The following ARSH variants were observed in gnomAD, a reference collection of about 807,000 sequenced individuals.
ARSH encodes the protein arylsulfatase family member H.
A neutral mutation model predicts 28.7 loss-of-function variants in ARSH; 32 were observed. The observed-to-expected ratio is 1.11, with a 90% CI of 0.84 to 1.50. ARSH has a LOEUF of 1.50. ARSH is among the 40% of genes most tolerant of loss of function. ARSH has a pLI of 0.00. For missense variants in ARSH, 440 were observed against 452.4 expected (o/e 0.97, Z 0.25); for synonymous variants, 176 against 177.3 (o/e 0.99, Z 0.06).
chrX:3,026,130 A>G (rs2089898189), intron 6 of ARSH, among the ~76,000 whole-genome samples: 1 of 110,856 alleles, frequency 9.0e-6, no homozygotes. Flanking sequence ...TTGTATGTTA[A>G]AAGCACATAG....
chrX:3,024,870 A>C (rs2089894583), intron 6 of ARSH, among the ~76,000 whole-genome samples: 1 of 110,830 alleles, frequency 9.0e-6, no homozygotes, highest in South Asian at 3.8e-4. Context: ...ATAATTTAAA[A>C]AAGAATTCTG....
chrX:3,032,770 A>G (rs1353799286), intron 8 of ARSH, among the ~76,000 whole-genome samples: 1 of 112,229 alleles, frequency 8.9e-6, no homozygotes, highest in Non-Finnish European at 1.9e-5. Flanking sequence ...GAATTACCCT[A>G]TTCCCATCTG....
rs971732219 is a variant in ARSH, at chrX:3,029,345, C to T, written c.1298C>T (p.Thr433Met). 1.7e-5 allele frequency: 20 copies of T among 1,208,064 alleles called. No individual in the cohort carries two copies. The highest frequency in any genetic ancestry group is 1.9e-5 in the Non-Finnish European group (17 of 894,477). Reference protein sequence around the residue: ...LFHYCGVYLHTVRWHQKDCAT... With the variant: ...LFHYCGVYLHMVRWHQKDCAT... The stretch of plus-strand genomic sequence containing the variant: ...CACTACTGTGGGGTCTATCTGCACA[C>T]GGTCAGGTGGCATCAGAAGGACTGT... Residue 433 changes from threonine to methionine, a missense_variant, in exon 8 of 9, where the codon ACG becomes ATG. Transcript: ENST00000381130.
intron 5 of ARSH, among the ~76,000 whole-genome samples, chrX:3,020,725 A>G (rs1432067990): frequency 9.0e-6 from 1 of 111,657 alleles, no homozygotes; most frequent in Non-Finnish European, 1.9e-5. Context: ...AAAGGGAACT[A>G]ACCCTGACAT....
In ARSH at chrX:3,015,257, T is replaced by C; in HGVS notation, c.628T>C (p.Ser210Pro). The C allele has an allele frequency of 1.7e-6, 2 of 1,211,393 alleles. No individual in the cohort carries two copies. Among genetic ancestry groups the C allele is most frequent in the Non-Finnish European group, 2.2e-6 (2 of 895,390 alleles). The change falls in exon 4 of 9, where the codon TCC (serine) becomes CCC (proline). Residue 210 changes from serine (S) to proline (P), a missense_variant. By Grantham distance (74) the Ser-to-Pro change is moderately conservative. Coordinates refer to ENST00000381130, the MANE Select transcript of ARSH (RefSeq NM_001011719.2). ...FALLAFLFFT[S>P]WYSSYGFTRR... ...TCTCCTCGCCTTTCTGTTTTTCACTTCCTGGTACTCTAGTTATGGATTTAC... is the reference window on the plus strand; with the variant it reads ...TCTCCTCGCCTTTCTGTTTTTCACTCCCTGGTACTCTAGTTATGGATTTAC...
chrX:3,024,068 T>G lies in ARSH; in HGVS notation c.949T>G (p.Leu317Val), dbSNP rs5939407. 1 of 1,209,176 alleles carries G rather than the reference T, an allele frequency of 8.3e-7. No individual in the cohort carries two copies. The highest frequency in any genetic ancestry group is 1.1e-6 in the Non-Finnish European group (1 of 894,394). Reference protein sequence around the residue: ...LDQERLANHTLVYFTSDNGGH... With the variant: ...LDQERLANHTVVYFTSDNGGH... ...CCAGGAGCGCCTGGCCAACCACACC[T>G]TGGTGTACTTCACCTCTGACAACGG... is the stretch of plus-strand genomic sequence containing the variant. The change falls in exon 6 of 9, where the codon TTG (leucine) becomes GTG (valine). Residue 317 changes from leucine to valine, a missense_variant. Physicochemically the swap from Leu to Val is conservative, Grantham distance 32. Transcript: ENST00000381130.
At chrX:3,025,284 A>C (rs982408861) in intron 6 of ARSH, among the ~76,000 whole-genome samples, 5 of 106,477 alleles carry the variant, frequency 4.7e-5, no homozygotes, top group African/African-American at 1.7e-4. Context: ...TTCACTATGT[A>C]TATATAGTCA....
chrX:3,029,098 AAG>A, intron 7 of ARSH, 147 bp from the exon 8 acceptor site: 1 of 676,407 alleles, frequency 1.5e-6, no homozygotes, highest in Non-Finnish European at 2.1e-6. Flanking sequence ...AAAAAGAAAA[AAG>A]AAATTCTTCC....
intron 1 of ARSH, among the ~76,000 whole-genome samples, chrX:3,008,501 CTTTCTT>C (rs1309791913): frequency 4.3e-5 from 4 of 93,478 alleles, no homozygotes; most frequent in African/African-American, 1.6e-4. Flanking sequence ...TTCTTTCTTT[CTTTCTT>C]TCTTTCTTCC....
rs763774263 is a variant in ARSH, at chrX:3,013,160, A to G, written c.328A>G (p.Thr110Ala). 4 of 1,206,329 alleles carry G rather than the reference A, an allele frequency of 3.3e-6. No individual in the cohort carries two copies. The African/African-American group carries it at 5.3e-5, about 16-fold the overall frequency. The change falls in exon 3 of 9, where the codon ACG becomes GCG. Residue 110 changes from threonine (T) to alanine (A), a missense_variant. Physicochemically the swap from Thr to Ala is moderately conservative, Grantham distance 58. Coordinates refer to ENST00000381130, the MANE Select transcript of ARSH (RefSeq NM_001011719.2). ...AKLLQHRGYR[T>A]GLIGKWHLGL... ...GCTGCTGCAGCACCGTGGCTACCGC[A>G]CGGGACTCATAGGTATGGCGCCGGA...
Position 3,013,082 on chromosome X carries a change from A to G in ARSH, c.250A>G (p.Thr84Ala), listed in dbSNP as rs2089855286. 8.3e-7 allele frequency: 1 copy of G among 1,211,300 alleles called. No homozygotes were observed. The highest frequency in any genetic ancestry group is 1.7e-5 in the African/African-American group (1 of 57,772). Residue 84 changes from threonine (T) to alanine (A), a missense_variant, in exon 3 of 9, where the codon ACG (threonine) becomes GCG (alanine). Coordinates refer to ENST00000381130, the MANE Select transcript of ARSH (RefSeq NM_001011719.2). ...VSAYNLNRAF[T>A]WLGGSGGLPT... ...TGCCTACAACCTGAACCGTGCCTTCACGTGGCTTGGTGGGTCAGGTGGTCT... is the reference window on the plus strand; with the variant it reads ...TGCCTACAACCTGAACCGTGCCTTCGCGTGGCTTGGTGGGTCAGGTGGTCT...
In ARSH at chrX:3,033,166, A is replaced by G. The variant is rs2089919497; in HGVS notation, c.1470A>G (p.Ser490=). The G allele has an allele frequency of 1.7e-6, 2 of 1,211,716 alleles. No homozygotes were observed. Among genetic ancestry groups the G allele is most frequent in the Non-Finnish European group, 1.1e-6 (1 of 895,484 alleles). ...TCTTTGACATCTCAAGAGACCCTTC[A>G]GAAGCCCTTCCACTGAACCCTGACA... ...PLLFDISRDP[S]EALPLNPDNE... Residue 490 remains serine, a synonymous_variant, in exon 9 of 9, where the codon TCA becomes TCG. Transcript: ENST00000381130.
rs745397625 is a variant in ARSH at position 3,018,659 on chromosome X, A to G, written c.890A>G (p.Asp297Gly). 2.5e-6 allele frequency: 3 copies of G among 1,210,352 alleles called. No homozygotes were observed. Among genetic ancestry groups the G allele is most frequent in the East Asian group, 3.0e-5 (1 of 33,762 alleles). Residue 297 changes from aspartate to glycine, a missense_variant, in exon 5 of 9, where the codon GAT becomes GGT. Coordinates refer to ENST00000381130, the MANE Select transcript of ARSH (RefSeq NM_001011719.2). ...TATGGGGACAATGTAGAAGAAATGGATTGGATGGTGGGTAAGTATTCAGTA... is the reference window on the plus strand; with the variant it reads ...TATGGGGACAATGTAGAAGAAATGGGTTGGATGGTGGGTAAGTATTCAGTA... The part of the protein sequence containing the change: ...GRYGDNVEEM[D>G]WMVGKILDAL...
chrX:3,017,813 A>C (rs143399369), intron 4 of ARSH, among the ~76,000 whole-genome samples: 1,311 of 111,709 alleles, frequency 0.012, 18 homozygotes, highest in African/African-American at 0.041. Flanking sequence ...TTACTGTGGC[A>C]CATCTGAGTC....
intron 1 of ARSH, among the ~76,000 whole-genome samples, chrX:3,007,963 T>G (rs1017951462): frequency 2.7e-5 from 3 of 111,593 alleles, no homozygotes; most frequent in Non-Finnish European, 5.6e-5. Context: ...AACGACCTCA[T>G]GCTACCTTAA....
At chrX:3,012,584 T>TTATATATATA (rs1250673692) in intron 2 of ARSH, among the ~76,000 whole-genome samples, 1 of 13,614 alleles carries the variant, frequency 7.3e-5, no homozygotes, top group African/African-American at 2.7e-4. Flanking sequence ...TATATATATA[T>TTATATATATA]ATATATATAT....
chrX:3,027,523 T>A, intron 7 of ARSH, 48 bp downstream of exon 7: 1 of 1,112,829 alleles, frequency 9.0e-7, no homozygotes, highest in Non-Finnish European at 1.2e-6. Context: ...TATTTGAACA[T>A]AAGTGGATAT....
At chrX:3,012,568 A>AATATATATATAT (rs1183166715) in intron 2 of ARSH, among the ~76,000 whole-genome samples, 4 of 21,808 alleles carry the variant, frequency 1.8e-4, no homozygotes, top group African/African-American at 1.0e-3. Context: ...AAAAAAAAAA[A>AATATATATATAT]ATATATATAT....
chrX:3,030,466 A>C (rs1032653081), intron 8 of ARSH, among the ~76,000 whole-genome samples: 3 of 111,693 alleles, frequency 2.7e-5, no homozygotes, highest in African/African-American at 9.8e-5. Context: ...TCACGTTGCT[A>C]ATAAAGACAT....
Sources: gnomAD v4.1 joint callset for allele counts (sites outside exome capture counted in the v4.1 genomes callset) on GRCh38, gnomAD v4.1.1 for gene constraint, MANE v1.5 for transcripts, NCBI Gene and HGNC (gene_info 2026-07-23, HGNC 2026-07-21) for gene names.